ENTREP2: variants seen among roughly 807,000 people sequenced by gnomAD.
The protein encoded by ENTREP2 is protein ENTREP2.
the ENTREP2 span, among the ~76,000 whole-genome samples, chr15:29,634,929 C>T: frequency 1.3e-5 from 2 of 152,242 alleles, 1 homozygote. Flanking sequence ...AAGAAGCTCC[C>T]CGTGTTCAGC....
the ENTREP2 span, among the ~76,000 whole-genome samples, chr15:29,148,089 G>A: frequency 6.6e-6 from 1 of 152,178 alleles, no homozygotes; most frequent in Non-Finnish European, 1.5e-5. Flanking sequence ...ATGCAGAACA[G>A]GCAAATCCAT....
At chr15:29,516,466 A>C in the ENTREP2 span, among the ~76,000 whole-genome samples, 2 of 152,194 alleles carry the variant, frequency 1.3e-5, no homozygotes, top group African/African-American at 4.8e-5. Flanking sequence ...TATCATGTCT[A>C]TGAACTTTGA....
the ENTREP2 span, among the ~76,000 whole-genome samples, chr15:29,191,378 G>C: frequency 6.6e-6 from 1 of 152,004 alleles, no homozygotes; most frequent in Non-Finnish European, 1.5e-5. Flanking sequence ...ATCTGAAAAA[G>C]ATATAAAATA....
At chr15:29,249,266 C>G in the ENTREP2 span, among the ~76,000 whole-genome samples, 1 of 152,168 alleles carries the variant, frequency 6.6e-6, no homozygotes, top group Admixed American at 6.5e-5. Flanking sequence ...TGAGATTGTG[C>G]CACTGCACAC....
At chr15:29,450,340 C>T in the ENTREP2 span, among the ~76,000 whole-genome samples, 1 of 152,088 alleles carries the variant, frequency 6.6e-6, no homozygotes, top group African/African-American at 2.4e-5. Flanking sequence ...GGGTTATCTT[C>T]CAGGGTTTTT....
At chr15:29,143,896 G>A in the ENTREP2 span, among the ~76,000 whole-genome samples, 1 of 152,132 alleles carries the variant, frequency 6.6e-6, no homozygotes, top group Admixed American at 6.5e-5. Context: ...AATCTAAAGG[G>A]GTCATGAAGA....
chr15:29,661,382 G>C, the ENTREP2 span, among the ~76,000 whole-genome samples: 1 of 152,050 alleles, frequency 6.6e-6, no homozygotes, highest in African/African-American at 2.4e-5. Flanking sequence ...TGTATTTTTA[G>C]TAGAGATGGG....
the ENTREP2 span, among the ~76,000 whole-genome samples, chr15:29,190,043 G>A: frequency 1.3e-5 from 2 of 152,138 alleles, no homozygotes; most frequent in African/African-American, 4.8e-5. Flanking sequence ...CCCTGTCATC[G>A]GGAAGCAGGG....
At chr15:29,247,889 C>T in the ENTREP2 span, among the ~76,000 whole-genome samples, 2 of 152,222 alleles carry the variant, frequency 1.3e-5, no homozygotes, top group Non-Finnish European at 2.9e-5. Flanking sequence ...GAATTGTCCA[C>T]TCCTGCAGAA....
the ENTREP2 span, among the ~76,000 whole-genome samples, chr15:29,432,667 C>G: frequency 4.6e-5 from 7 of 152,198 alleles, no homozygotes; most frequent in African/African-American, 1.7e-4. Context: ...CAGGGCAGTG[C>G]CCCTGACCAG....
At chr15:29,631,173 G>A in the ENTREP2 span, among the ~76,000 whole-genome samples, 5 of 152,226 alleles carry the variant, frequency 3.3e-5, 1 homozygote, top group South Asian at 8.3e-4. Context: ...TGTTTCAGGA[G>A]TATTTGTAAT....
the ENTREP2 span, among the ~76,000 whole-genome samples, chr15:29,602,431 C>T: frequency 3.1e-4 from 47 of 152,260 alleles, no homozygotes; most frequent in Non-Finnish European, 3.2e-4. Flanking sequence ...GTATTTTAAG[C>T]AAAATCTCTA....
chr15:29,427,802 T>A, the ENTREP2 span, among the ~76,000 whole-genome samples: 1 of 152,176 alleles, frequency 6.6e-6, no homozygotes, highest in African/African-American at 2.4e-5. Context: ...GACGTGGACA[T>A]CAGTGGGGTT....
chr15:29,631,785 A>C, the ENTREP2 span, among the ~76,000 whole-genome samples: 2 of 152,188 alleles, frequency 1.3e-5, no homozygotes, highest in African/African-American at 2.4e-5. Context: ...GTAGGGAAGG[A>C]ACTTGCTGCC....
the ENTREP2 span, among the ~76,000 whole-genome samples, chr15:29,128,260 C>T: frequency 1.3e-5 from 2 of 152,172 alleles, no homozygotes; most frequent in African/African-American, 4.8e-5. Flanking sequence ...GAGCCTTAGA[C>T]CACCTCCCCC....
chr15:29,265,191 T>G, the ENTREP2 span: 5 of 152,290 alleles, frequency 3.3e-5, no homozygotes, highest in South Asian at 1.0e-3. Flanking sequence ...AAACTTAAAA[T>G]TATTTCCTTT....
the ENTREP2 span, among the ~76,000 whole-genome samples, chr15:29,625,529 A>G: frequency 6.7e-6 from 1 of 150,338 alleles, no homozygotes; most frequent in South Asian, 2.1e-4. Flanking sequence ...CCGAGTAGCT[A>G]AGACTACATG....
At chr15:29,328,244 T>C in the ENTREP2 span, among the ~76,000 whole-genome samples, 1 of 152,294 alleles carries the variant, frequency 6.6e-6, no homozygotes, top group African/African-American at 2.4e-5. Context: ...ACGGTAGTAA[T>C]AGTGAAAAGA....
chr15:29,353,836 A>T, the ENTREP2 span, among the ~76,000 whole-genome samples: 1 of 152,218 alleles, frequency 6.6e-6, no homozygotes, highest in Non-Finnish European at 1.5e-5. Flanking sequence ...ACTGAGGCAC[A>T]GAGAAGTTCA....
Sources: gnomAD v4.1 joint callset for allele counts (sites outside exome capture counted in the v4.1 genomes callset) on GRCh38, gnomAD v4.1.1 for gene constraint, MANE v1.5 for transcripts, NCBI Gene and HGNC (gene_info 2026-07-23, HGNC 2026-07-21) for gene names.